The following TMEM132B variants were observed in gnomAD, a reference collection of about 807,000 sequenced individuals.
TMEM132B encodes the protein transmembrane protein 132B.
In TMEM132B, 18 loss-of-function variants were observed where a neutral mutation model predicts 90.8. The observed-to-expected ratio is 0.20, with a 90% CI of 0.14 to 0.29. The LOEUF (loss-of-function observed/expected upper bound fraction) is 0.29. TMEM132B is among the 10% of genes least tolerant of loss of function. The pLI is 1.00. For synonymous variants in TMEM132B, 504 were observed against 523.3 expected, an observed-to-expected ratio of 0.96 and a Z score of 0.50; for missense variants, 1,096 against 1,326.8, an observed-to-expected ratio of 0.83 and a Z score of 2.70.
chr12:125,339,405 C>T (rs117648463), intron 1 of TMEM132B, among the ~76,000 whole-genome samples: 1,973 of 152,194 alleles, frequency 0.013, 23 homozygotes, highest in Non-Finnish European at 0.02. Flanking sequence ...CTTATGAGGA[C>T]GCCAGTCCAA....
At chr12:125,564,036 C>A (rs918065542) in intron 4 of TMEM132B, among the ~76,000 whole-genome samples, 4 of 151,990 alleles carry the variant, frequency 2.6e-5, no homozygotes, top group African/African-American at 9.7e-5. Flanking sequence ...TTAAGGCGTC[C>A]CTGGGAAACT....
At chr12:125,595,868 C>T (rs914674033) in intron 5 of TMEM132B, among the ~76,000 whole-genome samples, 4 of 114,224 alleles carry the variant, frequency 3.5e-5, no homozygotes, top group African/African-American at 9.9e-5. Context: ...TTTCTCAGGG[C>T]GGCTTTTTTT....
chr12:125,442,825 C>T (rs1251782134), intron 3 of TMEM132B, among the ~76,000 whole-genome samples: 1 of 152,160 alleles, frequency 6.6e-6, no homozygotes, highest in African/African-American at 2.4e-5. Flanking sequence ...CTTTGTGTGA[C>T]ATATCTGAGA....
chr12:125,611,101 T>C (rs572185588), intron 5 of TMEM132B, among the ~76,000 whole-genome samples: 5 of 152,152 alleles, frequency 3.3e-5, no homozygotes, highest in Non-Finnish European at 7.4e-5. Flanking sequence ...AGACTTTGTA[T>C]TTCTTTCTCA....
At chr12:125,373,594 G>A (rs1381798042) in intron 2 of TMEM132B, among the ~76,000 whole-genome samples, 28 of 152,148 alleles carry the variant, frequency 1.8e-4, no homozygotes, top group Non-Finnish European at 3.1e-4. Context: ...ACTTCGTATG[G>A]CAGCCCCAGC....
At chr12:125,520,952 T>A (rs543371981) in intron 4 of TMEM132B, among the ~76,000 whole-genome samples, 5 of 152,308 alleles carry the variant, frequency 3.3e-5, no homozygotes, top group Non-Finnish European at 7.4e-5. Context: ...ACCCACATTG[T>A]GGTTTGAAGG....
chr12:125,276,666 TG>T (rs1218800590), intron 1 of TMEM132B, among the ~76,000 whole-genome samples: 1 of 152,200 alleles, frequency 6.6e-6, no homozygotes, highest in African/African-American at 2.4e-5. Flanking sequence ...GCTGCCTGTC[TG>T]TTAAGCAGTG....
At chr12:125,285,597 G>A (rs557650001) in intron 1 of TMEM132B, among the ~76,000 whole-genome samples, 1 of 152,222 alleles carries the variant, frequency 6.6e-6, no homozygotes, top group Non-Finnish European at 1.5e-5. Context: ...CTTTCCCAAA[G>A]TGAGTCAGAC....
chr12:125,326,513 A>C, intron 1 of TMEM132B: 3 of 1,270,166 alleles, frequency 2.4e-6, no homozygotes, highest in Non-Finnish European at 3.3e-6. Context: ...CCTGTATAGT[A>C]AACATCGGCT....
intron 6 of TMEM132B, among the ~76,000 whole-genome samples, chr12:125,645,217 CAAAAAA>C (rs57035989): frequency 2.7e-5 from 2 of 73,562 alleles, no homozygotes; most frequent in East Asian, 4.4e-4. Context: ...GACTCCGTCT[CAAAAAA>C]AAAAAAAAAA....
chr12:125,213,949 G>T lies in TMEM132B; in HGVS notation c.67+27083G>T, dbSNP rs1361051232. On this transcript the variant is annotated intron_variant, in intron 1 of 8. Transcript: ENST00000682704. The surrounding 1 kb of genome is among the most constrained non-coding windows in gnomAD (Gnocchi z 4.2). ...TTTAGTCATTCGAATATTTATTGAT[G>T]CTTTTTGTGTGCCAGGGCACATAAG... Among the ~76,000 whole-genome samples, 1 of 152,196 alleles carries T rather than the reference G, an allele frequency of 6.6e-6. No individual in the cohort carries two copies. The highest frequency in any genetic ancestry group is 1.5e-5 in the Non-Finnish European group (1 of 68,032).
intron 6 of TMEM132B, among the ~76,000 whole-genome samples, chr12:125,645,672 G>A (rs1345860788): frequency 1.3e-5 from 2 of 152,212 alleles, no homozygotes; most frequent in African/African-American, 4.8e-5. Context: ...GACCAGCCCA[G>A]CTGACGCCTT....
intron 2 of TMEM132B, among the ~76,000 whole-genome samples, chr12:125,398,402 A>G (rs1322521885): frequency 6.6e-6 from 1 of 152,262 alleles, no homozygotes; most frequent in Non-Finnish European, 1.5e-5. Context: ...AACAGTTGAC[A>G]TAGATACAGA....
intron 3 of TMEM132B, among the ~76,000 whole-genome samples, chr12:125,417,236 T>C (rs1437551570): frequency 2.0e-5 from 3 of 152,156 alleles, no homozygotes; most frequent in Admixed American, 1.3e-4. Flanking sequence ...GGGTCTCTCC[T>C]CATGTGTCCC....
intron 3 of TMEM132B, among the ~76,000 whole-genome samples, chr12:125,446,661 C>T (rs1195434185): frequency 6.6e-6 from 1 of 152,134 alleles, no homozygotes; most frequent in East Asian, 1.9e-4. Context: ...GCAGTTTCTC[C>T]TACATAGTAG....
At chr12:125,648,044 C>A (rs1233981265) in intron 6 of TMEM132B, among the ~76,000 whole-genome samples, 2 of 113,536 alleles carry the variant, frequency 1.8e-5, no homozygotes, top group Non-Finnish European at 3.6e-5. Context: ...CCAATGCTAC[C>A]CCTCCCCCCT....
In TMEM132B at chr12:125,209,980, TCTC is replaced by T. The variant is rs1190463127; in HGVS notation, c.67+23118_67+23120del. Among the ~76,000 whole-genome samples the T allele has an allele frequency of 6.6e-6, 1 of 152,002 alleles. No individual in the cohort carries two copies. Among genetic ancestry groups the T allele is most frequent in the Non-Finnish European group, 1.5e-5 (1 of 68,022 alleles). ...TTCAACAGGTATTAATGCAATGGAGTCTCCTCTGTGTCAGGCAGCATCCAGACT... is the reference window on the plus strand; with the variant it reads ...TTCAACAGGTATTAATGCAATGGAGTCTCTGTGTCAGGCAGCATCCAGACT... On this transcript the variant is annotated intron_variant, in intron 1 of 8. Coordinates refer to ENST00000682704, the MANE Select transcript of TMEM132B (RefSeq NM_001366854.1). The surrounding 1 kb of genome is among the most constrained non-coding windows in gnomAD (Gnocchi z 4.4).
chr12:125,386,447 G>A (rs1252894013), intron 2 of TMEM132B, among the ~76,000 whole-genome samples: 1 of 152,154 alleles, frequency 6.6e-6, no homozygotes, highest in East Asian at 1.9e-4. Context: ...ATTAGGGAGT[G>A]GCATACTGTG....
intron 3 of TMEM132B, among the ~76,000 whole-genome samples, chr12:125,439,952 T>A (rs1880821233): frequency 6.6e-6 from 1 of 152,244 alleles, no homozygotes; most frequent in African/African-American, 2.4e-5. Context: ...TTAGTTCTAT[T>A]TATGTGATGA....
Sources: gnomAD v4.1 joint callset for allele counts (sites outside exome capture counted in the v4.1 genomes callset) on GRCh38, gnomAD v4.1.1 for gene constraint, Gnocchi (gnomAD v3.1) non-coding constraint, MANE v1.5 for transcripts, NCBI Gene and HGNC (gene_info 2026-07-23, HGNC 2026-07-21) for gene names.